STARD9: variants seen among roughly 807,000 people sequenced by gnomAD.
STARD9 encodes StAR related lipid transfer domain containing 9.
Under a neutral mutation model 399.8 loss-of-function variants are expected in STARD9, and 346 were observed. The observed-to-expected ratio is 0.87, with a 90% CI of 0.79 to 0.95. The LOEUF (loss-of-function observed/expected upper bound fraction) is 0.95, where lower values mean the gene tolerates loss of function less well. Among genes scored for constraint, STARD9 ranks in the 40% least tolerant of loss-of-function variants. The pLI, the probability that STARD9 is intolerant of heterozygous loss-of-function variation, is 0.00. For missense variants in STARD9, 5,832 were observed against 5,667.5 expected, an observed-to-expected ratio of 1.03 and a Z score of -0.93; for synonymous variants, 2,203 against 2,143.5, an observed-to-expected ratio of 1.03 and a Z score of -0.77.
At chr15:42,628,725 A>C (rs2059273546) in intron 3 of STARD9, among the ~76,000 whole-genome samples, 1 of 152,162 alleles carries the variant, frequency 6.6e-6, no homozygotes, top group South Asian at 2.1e-4. Flanking sequence ...CTTTGTCAAA[A>C]ATGAGTTCAC....
At chr15:42,597,371 A>AT (rs1189809877) in intron 3 of STARD9, among the ~76,000 whole-genome samples, 1 of 151,224 alleles carries the variant, frequency 6.6e-6, no homozygotes, top group African/African-American at 2.4e-5. Flanking sequence ...ATATATGTAT[A>AT]TTTATTTTTT....
Position 42,692,216 on chromosome 15 carries a change from G to A in STARD9, c.10638G>A (p.Glu3546=). 1 of 1,537,044 alleles carries A rather than the reference G, an allele frequency of 6.5e-7. No homozygotes were observed. Among genetic ancestry groups the A allele is most frequent in the South Asian group, 1.2e-5 (1 of 84,058 alleles). ...CDLSTTHSST[E]NAQGSNEAWE... is the part of the protein sequence containing the mutation. ...TGTCAACCACACACAGCAGCACTGA[G>A]AATGCCCAGGGTTCAAATGAGGCCT... Residue 3546 remains glutamate, a synonymous_variant, in exon 23 of 33, where the codon GAG becomes GAA. Transcript: ENST00000290607.
chr15:42,681,326 T>G, intron 20 of STARD9, 96 bp from the exon 21 acceptor site: 1 of 1,264,364 alleles, frequency 7.9e-7, no homozygotes, highest in African/African-American at 1.5e-5. Flanking sequence ...CCCTGTTGAT[T>G]GCAGGGGCTC....
intron 28 of STARD9, 66 bp downstream of exon 28, chr15:42,717,114 G>A: frequency 6.6e-7 from 1 of 1,513,208 alleles, no homozygotes; most frequent in Non-Finnish European, 8.9e-7. Context: ...TGTGCAGGAA[G>A]AGAAAGTAGG....
Position 42,685,353 on chromosome 15 carries a change from T to C in STARD9, c.3775T>C (p.Tyr1259His), listed in dbSNP as rs1280850761. The change falls in exon 23 of 33, where the codon TAC becomes CAC. Residue 1259 changes from tyrosine to histidine, a missense_variant. Physicochemically the swap from Tyr to His is moderately conservative, Grantham distance 83 (BLOSUM62 2). Around this residue, in one of 2 missense-constraint regions of STARD9, gnomAD observed 5,828 missense variants for 5,651.1 expected, o/e 1.03. Transcript: ENST00000290607. Reference sequence around the variant, plus strand: ...AATATGCAGGCTTGGTCCCATCAACTACAGAACAGCAGCTAGGCTGGATGC... The same window carrying C: ...AATATGCAGGCTTGGTCCCATCAACCACAGAACAGCAGCTAGGCTGGATGC... ...EAICRLGPIN[Y>H]RTAARLDAVL... The C allele has an allele frequency of 1.3e-6, 2 of 1,537,162 alleles. No individual in the cohort carries two copies. The highest frequency in any genetic ancestry group is 2.4e-5 in the East Asian group (1 of 40,932).
Position 42,691,544 on chromosome 15 carries a change from C to T in STARD9, c.9966C>T (p.Pro3322=), listed in dbSNP as rs3742994. ...FSGPKHSRSS[P]TPQFSVVGSS... is the part of the protein sequence containing the mutation. Reference sequence around the variant, plus strand: ...GCCCCAAACACTCCAGGTCCTCCCCCACACCACAGTTCTCAGTTGTCGGCT... The same window carrying T: ...GCCCCAAACACTCCAGGTCCTCCCCTACACCACAGTTCTCAGTTGTCGGCT... The change falls in exon 23 of 33, where the codon CCC becomes CCT. Residue 3322 remains proline (P), a synonymous_variant. Coordinates refer to ENST00000290607, the MANE Select transcript of STARD9 (RefSeq NM_020759.3). 3.3e-6 allele frequency: 5 copies of T among 1,537,282 alleles called. No individual in the cohort carries two copies. Among genetic ancestry groups the T allele is most frequent in the Non-Finnish European group, 4.4e-6 (5 of 1,146,916 alleles).
chr15:42,684,784 A>G lies in STARD9; in HGVS notation c.3206A>G (p.Lys1069Arg), dbSNP rs889934814. The stretch of plus-strand genomic sequence containing the variant: ...CACTTGCCTCTTGGCAGTCCTTTGA[A>G]GAGACAACAAAATACAAGGGACCCA... Reference protein sequence around the residue: ...SSHLPLGSPLKRQQNTRDPDT... With the variant: ...SSHLPLGSPLRRQQNTRDPDT... The change falls in exon 23 of 33, where the codon AAG (lysine) becomes AGG (arginine). Residue 1069 changes from lysine (K) to arginine (R), a missense_variant. Physicochemically the swap from Lys to Arg is conservative, Grantham distance 26. Coordinates refer to ENST00000290607, the MANE Select transcript of STARD9 (RefSeq NM_020759.3). 6.5e-7 allele frequency: 1 copy of G among 1,537,260 alleles called. No individual in the cohort carries two copies. The highest frequency in any genetic ancestry group is 8.7e-7 in the Non-Finnish European group (1 of 1,146,930).
chr15:42,666,636 A>G (rs562486786), intron 15 of STARD9, among the ~76,000 whole-genome samples: 27 of 152,332 alleles, frequency 1.8e-4, no homozygotes, highest in Middle Eastern at 3.4e-3. Flanking sequence ...GGTTGGTGAC[A>G]TAATAAAGGA....
intron 26 of STARD9, among the ~76,000 whole-genome samples, chr15:42,712,595 CTTGG>C (rs1321335209): frequency 6.6e-6 from 1 of 152,144 alleles, no homozygotes; most frequent in African/African-American, 2.4e-5. Context: ...ATTGAATTGT[CTTGG>C]CACCCTTGTC....
At chr15:42,620,753 T>C (rs2059075874) in intron 3 of STARD9, among the ~76,000 whole-genome samples, 1 of 149,046 alleles carries the variant, frequency 6.7e-6, no homozygotes, top group Non-Finnish European at 1.5e-5. Flanking sequence ...TTTTATTTTA[T>C]TTTATTTTAT....
At chr15:42,605,378 G>A (rs1329167351) in intron 3 of STARD9, among the ~76,000 whole-genome samples, 1 of 152,166 alleles carries the variant, frequency 6.6e-6, no homozygotes, top group Non-Finnish European at 1.5e-5. Flanking sequence ...GAACACAATA[G>A]AAGCCTGAAA....
Position 42,686,062 on chromosome 15 carries a change from T to C in STARD9, c.4484T>C (p.Leu1495Pro), listed in dbSNP as rs200474221. 11 of 1,537,180 alleles carry C rather than the reference T, an allele frequency of 7.2e-6. No homozygotes were observed. Among genetic ancestry groups the C allele is most frequent in the Non-Finnish European group, 8.7e-6 (10 of 1,146,878 alleles). Residue 1495 changes from leucine to proline, a missense_variant, in exon 23 of 33, where the codon CTC becomes CCC. Around this residue, in one of 2 missense-constraint regions of STARD9, gnomAD observed 5,828 missense variants for 5,651.1 expected, o/e 1.03. Coordinates refer to ENST00000290607, the MANE Select transcript of STARD9 (RefSeq NM_020759.3). ...SALQQKYLLELSCPVLEAIGA... is the reference protein window; with the variant it reads ...SALQQKYLLEPSCPVLEAIGA... ...CTTCAGCAGAAGTACCTCCTTGAACTCTCTTGTCCTGTTTTGGAGGCCATA... is the reference window on the plus strand; with the variant it reads ...CTTCAGCAGAAGTACCTCCTTGAACCCTCTTGTCCTGTTTTGGAGGCCATA...
intron 3 of STARD9, among the ~76,000 whole-genome samples, chr15:42,629,073 G>T (rs2059280211): frequency 6.6e-6 from 1 of 152,062 alleles, no homozygotes; most frequent in Admixed American, 6.6e-5. Flanking sequence ...AGGCTGGAGT[G>T]CAGGGACGTG....
Position 42,687,471 on chromosome 15 carries a change from G to C in STARD9, c.5893G>C (p.Gly1965Arg), listed in dbSNP as rs757588563. Reference sequence around the variant, plus strand: ...AAGCAGCCCAGTGATGGTGGCCCAGGGTGGTGGCCCAACCCCTAAGTGGGA... The same window carrying C: ...AAGCAGCCCAGTGATGGTGGCCCAGCGTGGTGGCCCAACCCCTAAGTGGGA... Reference protein sequence around the residue: ...RVSSPVMVAQGGGPTPKWEGK... With the variant: ...RVSSPVMVAQRGGPTPKWEGK... Residue 1965 changes from glycine (G) to arginine (R), a missense_variant, in exon 23 of 33, where the codon GGT becomes CGT. Physicochemically the swap from Gly to Arg is moderately radical, Grantham distance 125. Around this residue, in one of 2 missense-constraint regions of STARD9, gnomAD observed 5,828 missense variants for 5,651.1 expected, o/e 1.03. Transcript: ENST00000290607. The C allele has an allele frequency of 6.0e-5, 92 of 1,537,162 alleles. 4 individuals carry two copies. In the South Asian group the frequency reaches 7.1e-4, roughly 12 times the overall value.
In STARD9 at chr15:42,661,210, T is replaced by C. The variant is rs2059987283; in HGVS notation, c.755T>C (p.Val252Ala). The C allele has an allele frequency of 1.3e-6, 2 of 1,536,582 alleles. No homozygotes were observed. The highest frequency in any genetic ancestry group is 2.7e-5 in the African/African-American group (2 of 73,046). Residue 252 changes from valine (V) to alanine (A), a missense_variant, in exon 10 of 33, where the codon GTG becomes GCG. Physicochemically the swap from Val to Ala is moderately conservative, Grantham distance 64. This residue lies in a region of STARD9 where 5,828 missense variants were observed against 5,651.1 expected (regional missense o/e 1.03). Coordinates refer to ENST00000290607, the MANE Select transcript of STARD9 (RefSeq NM_020759.3). ...PSEMASKINL[V>A]DLAGSERADP... The stretch of plus-strand genomic sequence containing the variant: ...GAAATGGCTAGCAAGATCAACCTTG[T>C]GGACCTAGCAGGCAGGTAATTAGGA...
intron 3 of STARD9, among the ~76,000 whole-genome samples, chr15:42,588,999 G>A (rs2058342773): frequency 6.6e-6 from 1 of 151,522 alleles, no homozygotes; most frequent in African/African-American, 2.4e-5. Context: ...ATTTTTAGTA[G>A]AGACAGGGTT....
intron 1 of STARD9, among the ~76,000 whole-genome samples, chr15:42,577,453 G>A (rs1440882457): frequency 3.9e-5 from 6 of 152,114 alleles, no homozygotes; most frequent in Non-Finnish European, 5.9e-5. Context: ...GCGCCCAGCC[G>A]GACACTAGGA....
In STARD9 at chr15:42,688,396, G is replaced by A. The variant is rs1399107751; in HGVS notation, c.6818G>A (p.Gly2273Asp). ...AACCAAGAAGAGCCAAAAGCTCAAGGTAAAGTTGAAGAAATGCCTATGCAA... is the reference window on the plus strand; with the variant it reads ...AACCAAGAAGAGCCAAAAGCTCAAGATAAAGTTGAAGAAATGCCTATGCAA... ...SSNQEEPKAQ[G>D]KVEEMPMQRG... Residue 2273 changes from glycine to aspartate, a missense_variant, in exon 23 of 33, where the codon GGT becomes GAT. Gly to Asp is a moderately conservative substitution (Grantham distance 94). Coordinates refer to ENST00000290607, the MANE Select transcript of STARD9 (RefSeq NM_020759.3). 2.0e-6 allele frequency: 3 copies of A among 1,537,568 alleles called. No individual in the cohort carries two copies. Among genetic ancestry groups the A allele is most frequent in the Non-Finnish European group, 1.7e-6 (2 of 1,146,994 alleles).
intron 26 of STARD9, among the ~76,000 whole-genome samples, chr15:42,708,156 A>G (rs1029570362): frequency 2.0e-5 from 3 of 152,194 alleles, no homozygotes; most frequent in Admixed American, 6.5e-5. Context: ...CTGTTTCAAA[A>G]AAAAAAAATT....
Sources: gnomAD v4.1 joint callset for allele counts (sites outside exome capture counted in the v4.1 genomes callset) on GRCh38, gnomAD v4.1.1 for gene constraint, gnomAD v4.1.1 regional missense constraint, MANE v1.5 for transcripts, NCBI Gene and HGNC (gene_info 2026-07-23, HGNC 2026-07-21) for gene names.